Variants in UBE2E3 observed in about 807,000 individuals in gnomAD.
The protein encoded by UBE2E3 is ubiquitin-conjugating enzyme E2 E3.
A neutral mutation model predicts 23.6 loss-of-function variants in UBE2E3; 5 were observed. That is an observed-to-expected ratio of 0.21 (90% CI 0.11 to 0.44). UBE2E3 has a LOEUF of 0.44. Among genes scored for constraint, UBE2E3 ranks in the 20% least tolerant of loss-of-function variants. The probability of loss-of-function intolerance (pLI) is 0.99; values close to 1 mark genes in which losing one functional copy is unlikely to be tolerated. For missense variants in UBE2E3, 81 were observed against 249.8 expected, an observed-to-expected ratio of 0.32 and a Z score of 4.55; for synonymous variants, 78 against 87.5, an observed-to-expected ratio of 0.89 and a Z score of 0.60.
At chr2:181,042,534 A>G (rs1039054466) in intron 3 of UBE2E3, among the ~76,000 whole-genome samples, 2 of 152,212 alleles carry the variant, frequency 1.3e-5, no homozygotes, top group Non-Finnish European at 2.9e-5. Flanking sequence ...AAGAAATGGC[A>G]TGAGCAAAGT....
chr2:181,044,696 G>A (rs1686618653), intron 3 of UBE2E3, among the ~76,000 whole-genome samples: 1 of 152,102 alleles, frequency 6.6e-6, no homozygotes, highest in Middle Eastern at 3.4e-3. Context: ...TGCATCTTTT[G>A]TTGTTTTGTA....
intron 3 of UBE2E3, 110 bp from the exon 4 acceptor site, chr2:181,057,579 TTTAC>T: frequency 1.2e-6 from 1 of 826,154 alleles, no homozygotes; most frequent in Non-Finnish European, 1.9e-6. Flanking sequence ...TTATACTTAT[TTTAC>T]TTCTTATTGC....
At chr2:180,997,214 T>C (rs1684850417) in intron 3 of UBE2E3, among the ~76,000 whole-genome samples, 1 of 152,018 alleles carries the variant, frequency 6.6e-6, no homozygotes, top group Admixed American at 6.5e-5. Flanking sequence ...TTTCTACTTA[T>C]TATCCACTAT....
intron 3 of UBE2E3, among the ~76,000 whole-genome samples, chr2:181,001,489 C>T (rs1334698452): frequency 6.6e-6 from 1 of 152,116 alleles, no homozygotes; most frequent in South Asian, 2.1e-4. Flanking sequence ...GGAAATACAA[C>T]AAAAGAGACA....
chr2:180,990,106 T>TTTA, intron 3 of UBE2E3: 1 of 1,002,612 alleles, frequency 1.0e-6, no homozygotes, highest in Non-Finnish European at 1.4e-6. Context: ...TCTTCAAACT[T>TTTA]TTAACCTTTC....
At chr2:180,995,513 G>A (rs932923438) in intron 3 of UBE2E3, among the ~76,000 whole-genome samples, 1 of 151,932 alleles carries the variant, frequency 6.6e-6, no homozygotes, top group Non-Finnish European at 1.5e-5. Context: ...AAGTTTTTGG[G>A]GGCATCAGAA....
chr2:181,060,427 G>GT (rs1687113231), intron 4 of UBE2E3, among the ~76,000 whole-genome samples: 1 of 151,650 alleles, frequency 6.6e-6, no homozygotes, highest in Non-Finnish European at 1.5e-5. Flanking sequence ...TACTGTATCA[G>GT]TTATTTAAGT....
At chr2:181,057,250 A>T (rs948143267) in intron 3 of UBE2E3, among the ~76,000 whole-genome samples, 18 of 151,788 alleles carry the variant, frequency 1.2e-4, no homozygotes, top group Non-Finnish European at 1.9e-4. Flanking sequence ...TAATGTATTT[A>T]CTGAAATTGT....
At chr2:180,998,818 C>CA (rs1026600990) in intron 3 of UBE2E3, among the ~76,000 whole-genome samples, 1 of 151,982 alleles carries the variant, frequency 6.6e-6, no homozygotes, top group African/African-American at 2.4e-5. Context: ...AGGAGTAAAA[C>CA]AAAAAAATCG....
At chr2:181,021,014 G>A (rs1370008877) in intron 3 of UBE2E3, among the ~76,000 whole-genome samples, 1 of 152,166 alleles carries the variant, frequency 6.6e-6, no homozygotes, top group Non-Finnish European at 1.5e-5. Context: ...TGAAACTGAT[G>A]AAAGGGTTAT....
intron 3 of UBE2E3, among the ~76,000 whole-genome samples, chr2:181,014,402 CA>C (rs1441326486): frequency 3.3e-5 from 5 of 152,128 alleles, no homozygotes; most frequent in Non-Finnish European, 7.4e-5. Flanking sequence ...CAGTATGTAT[CA>C]ATAAAGTTCA....
intron 4 of UBE2E3, among the ~76,000 whole-genome samples, chr2:181,059,307 A>C (rs1166312064): frequency 6.6e-6 from 1 of 151,774 alleles, no homozygotes; most frequent in Non-Finnish European, 1.5e-5. Context: ...ATAAATATTT[A>C]ATAGAAATCT....
rs375723726 is a variant in UBE2E3 at position 181,049,336 on chromosome 2, C to T, written c.246-8357C>T. On this transcript the variant is annotated intron_variant, in intron 3 of 5. Transcript: ENST00000410062. ...ACACCCACAGTTTATCCTGGCATCC[C>T]AGTGCCTGGTCCATAGTAGTTATTC... 1.5e-4 allele frequency among the ~76,000 whole-genome samples: 23 copies of T among 152,158 alleles called. No homozygotes were observed. The East Asian group carries it at 1.6e-3, about 10-fold the overall frequency.
At chr2:180,990,828 T>G (rs1574158998) in intron 3 of UBE2E3, among the ~76,000 whole-genome samples, 1 of 152,310 alleles carries the variant, frequency 6.6e-6, no homozygotes, top group East Asian at 1.9e-4. Flanking sequence ...TGCTCTTCAT[T>G]TGGGTTTTAT....
intron 3 of UBE2E3, among the ~76,000 whole-genome samples, chr2:180,998,458 T>TG (rs987159149): frequency 2.0e-5 from 3 of 150,604 alleles, no homozygotes; most frequent in Admixed American, 6.6e-5. Flanking sequence ...ATAAGGAGAG[T>TG]GGGGAAGGGG....
chr2:181,057,716 T>C lies in UBE2E3; in HGVS notation c.269T>C (p.Ile90Thr). 2 of 1,610,134 alleles carry C rather than the reference T, an allele frequency of 1.2e-6. No homozygotes were observed. The highest frequency in any genetic ancestry group is 1.7e-6 in the Non-Finnish European group (2 of 1,177,908). ...AGTGCTGGGCCTAAAGGAGATAACA[T>C]TTATGAATGGAGATCAACTATACTT... ...NCSAGPKGDNIYEWRSTILGP... is the reference protein window; with the variant it reads ...NCSAGPKGDNTYEWRSTILGP... Residue 90 changes from isoleucine (I) to threonine (T), a missense_variant, in exon 4 of 6, where the codon ATT becomes ACT. Coordinates refer to ENST00000410062, the MANE Select transcript of UBE2E3 (RefSeq NM_006357.4).
At chr2:181,047,546 T>C (rs975041292) in intron 3 of UBE2E3, among the ~76,000 whole-genome samples, 6 of 152,190 alleles carry the variant, frequency 3.9e-5, no homozygotes, top group Admixed American at 6.6e-5. Flanking sequence ...ATCTCAGTCA[T>C]AGCAGTCTGA....
At chr2:181,050,212 C>T (rs1351488588) in intron 3 of UBE2E3, among the ~76,000 whole-genome samples, 1 of 151,928 alleles carries the variant, frequency 6.6e-6, no homozygotes. Context: ...GAAGGTGTTT[C>T]AAGCAAGAGT....
chr2:181,040,520 T>C (rs542177263), intron 3 of UBE2E3, among the ~76,000 whole-genome samples: 2 of 152,194 alleles, frequency 1.3e-5, no homozygotes, highest in African/African-American at 4.8e-5. Flanking sequence ...GCAACTCTTA[T>C]GTGGAAAGCA....
Sources: gnomAD v4.1 joint callset for allele counts (sites outside exome capture counted in the v4.1 genomes callset) on GRCh38, gnomAD v4.1.1 for gene constraint, MANE v1.5 for transcripts, NCBI Gene and HGNC (gene_info 2026-07-23, HGNC 2026-07-21) for gene names.